Variants in TESPA1 observed in about 807,000 individuals in gnomAD.
The protein encoded by TESPA1 is protein TESPA1.
In TESPA1, 33 loss-of-function variants were observed where a neutral mutation model predicts 57.9. The ratio of observed to expected loss-of-function variants is 0.57; its 90% confidence interval spans 0.43 to 0.76. TESPA1 has a LOEUF of 0.76. Among genes scored for constraint, TESPA1 ranks in the 30% least tolerant of loss-of-function variants. The probability of loss-of-function intolerance (pLI) is 0.00; values close to 1 mark genes in which losing one functional copy is unlikely to be tolerated. For synonymous variants in TESPA1, 227 were observed against 228.9 expected (o/e 0.99, Z 0.07); for missense variants, 618 against 632.9 (o/e 0.98, Z 0.25).
At chr12:54,956,838 A>AG (rs1452210822) in intron 10 of TESPA1, among the ~76,000 whole-genome samples, 9 of 152,132 alleles carry the variant, frequency 5.9e-5, no homozygotes, top group Admixed American at 5.2e-4. Flanking sequence ...CGGAAGATGG[A>AG]GGGGGAAGAC....
intron 10 of TESPA1, among the ~76,000 whole-genome samples, chr12:54,956,984 T>C (rs1279609902): frequency 6.6e-6 from 1 of 152,184 alleles, no homozygotes; most frequent in Admixed American, 6.5e-5. Context: ...TAGTCACCTC[T>C]CAAAGGTTTG....
At chr12:54,955,880 C>G (rs1950700708) in intron 10 of TESPA1, among the ~76,000 whole-genome samples, 1 of 152,100 alleles carries the variant, frequency 6.6e-6, no homozygotes, top group Non-Finnish European at 1.5e-5. Context: ...GATGTCCTCC[C>G]ACTATCCCTC....
At chr12:54,982,581 A>T (rs1952360163) in intron 1 of TESPA1, among the ~76,000 whole-genome samples, 1 of 150,904 alleles carries the variant, frequency 6.6e-6, no homozygotes, top group African/African-American at 2.4e-5. Context: ...TGGATTTGGA[A>T]AAAAAATTAA....
intron 1 of TESPA1, among the ~76,000 whole-genome samples, chr12:54,976,612 G>T (rs1010289426): frequency 6.6e-6 from 1 of 152,108 alleles, no homozygotes; most frequent in Admixed American, 6.5e-5. Flanking sequence ...CACTTCAAAT[G>T]GTATAACCTT....
chr12:54,956,381 G>A lies in TESPA1; in HGVS notation c.*1+4787C>T, dbSNP rs971334798. Among the ~76,000 whole-genome samples, 3 of 152,232 alleles carry A rather than the reference G, an allele frequency of 2.0e-5. No homozygotes were observed. The South Asian group carries it at 6.2e-4, about 32-fold the overall frequency. ...ATTGACCTGTGCTACCTCAGATCTG[G>A]TAAAAGAAACAAAAAGAACGACAAA... On this transcript the variant is annotated intron_variant, in intron 10 of 10. Coordinates refer to ENST00000449076, the MANE Select transcript of TESPA1 (RefSeq NM_001136030.3).
At chr12:54,980,373 G>T (rs1341187843) in intron 1 of TESPA1, among the ~76,000 whole-genome samples, 1 of 152,166 alleles carries the variant, frequency 6.6e-6, no homozygotes, top group Non-Finnish European at 1.5e-5. Context: ...TTACAGAGTG[G>T]TTTTTTTGGC....
intron 10 of TESPA1, among the ~76,000 whole-genome samples, chr12:54,951,097 C>T (rs1170886328): frequency 6.6e-6 from 1 of 152,134 alleles, no homozygotes; most frequent in East Asian, 1.9e-4. Flanking sequence ...CTCTGTGTCC[C>T]CACCCAAATA....
intron 10 of TESPA1, among the ~76,000 whole-genome samples, chr12:54,955,694 A>G (rs72648131): frequency 0.21 from 31,229 of 152,202 alleles, 5,448 homozygotes; most frequent in East Asian, 0.84. Context: ...GTTCTGTAAT[A>G]CATATCATAG....
intron 10 of TESPA1, among the ~76,000 whole-genome samples, chr12:54,960,334 G>A (rs1188172687): frequency 6.6e-6 from 1 of 152,100 alleles, no homozygotes; most frequent in Non-Finnish European, 1.5e-5. Flanking sequence ...AATTAATACT[G>A]AAAAACTCAT....
intron 10 of TESPA1, among the ~76,000 whole-genome samples, chr12:54,953,304 T>C (rs1950512053): frequency 6.6e-6 from 1 of 152,170 alleles, no homozygotes; most frequent in Non-Finnish European, 1.5e-5. Context: ...TCAGTTTTGA[T>C]CTTTCTCCAG....
intron 1 of TESPA1, among the ~76,000 whole-genome samples, chr12:54,976,888 A>C (rs1952158096): frequency 6.6e-6 from 1 of 152,062 alleles, no homozygotes; most frequent in Non-Finnish European, 1.5e-5. Flanking sequence ...ATCCCCTGAA[A>C]ATACTTACCT....
intron 1 of TESPA1, among the ~76,000 whole-genome samples, chr12:54,982,204 G>C (rs1439268187): frequency 6.6e-6 from 1 of 152,182 alleles, no homozygotes; most frequent in Admixed American, 6.5e-5. Context: ...TCATAGAACT[G>C]TCTTCTAGCT....
Position 54,974,583 on chromosome 12 carries a change from G to C in TESPA1, c.-21C>G, listed in dbSNP as rs768293952. The C allele has an allele frequency of 2.3e-5, 36 of 1,538,702 alleles. No homozygotes were observed. In the East Asian group the frequency reaches 8.0e-4, roughly 34 times the overall value. On this transcript the variant is annotated 5_prime_UTR_variant, in exon 2 of 11. Transcript: ENST00000449076. ...TCCATGGCCCTGGCTCAGACTTCAG[G>C]GCCTCCCGTAACAGTAATGCCGTCC...
chr12:54,972,451 T>A (rs1390498296), intron 3 of TESPA1, among the ~76,000 whole-genome samples: 1 of 152,164 alleles, frequency 6.6e-6, no homozygotes, highest in Non-Finnish European at 1.5e-5. Context: ...CCCCTGTACA[T>A]ATCTGGTAAG....
chr12:54,949,383 T>G lies in TESPA1; in HGVS notation c.*1009A>C, dbSNP rs1233569378. Reference sequence around the variant, plus strand: ...CCCTCAAGTCCCTCTCTTCCTGTTTTTTTTTTTTTTTTCTTTTGTCTCACA... The same window carrying G: ...CCCTCAAGTCCCTCTCTTCCTGTTTGTTTTTTTTTTTTCTTTTGTCTCACA... On this transcript the variant is annotated 3_prime_UTR_variant, in exon 11 of 11. Transcript: ENST00000449076. The G allele has an allele frequency of 1.7e-4, 2 of 11,830 alleles. No homozygotes were observed. Among genetic ancestry groups the G allele is most frequent in the Admixed American group, 1.0e-3 (2 of 1,952 alleles). 0.7% of individuals were successfully genotyped at this position (11,830 alleles called of 1,614,324 possible).
chr12:54,966,582 G>T (rs1024589872), intron 5 of TESPA1, among the ~76,000 whole-genome samples, 158 bp from the exon 6 acceptor site: 1 of 152,194 alleles, frequency 6.6e-6, no homozygotes, highest in Non-Finnish European at 1.5e-5. Flanking sequence ...GGGGCCTCAA[G>T]ATTACCTAAC....
At chr12:54,968,372 C>T (rs10876674) in intron 3 of TESPA1, among the ~76,000 whole-genome samples, 54,935 of 152,086 alleles carry the variant, frequency 0.36, 12,808 homozygotes, top group East Asian at 0.89. Context: ...TATCATGTCA[C>T]TCAGGAAACA....
At position 54,968,087 on chromosome 12, in the gene TESPA1, G is replaced by A. The variant is rs975074244; in HGVS notation, c.207-195C>T. 11 of 1,366,906 alleles carry A rather than the reference G, an allele frequency of 8.0e-6. No homozygotes were observed. The Admixed American group carries it at 2.0e-4, about 25-fold the overall frequency. The allele number at this position is 1,366,906 out of a possible 1,614,324, so 84.7% of individuals were successfully genotyped here. A position where few individuals can be genotyped will look rare whatever the true frequency, so the allele number is the denominator to read the frequency against. ...TTCATAGAAGTAGTTGGGGAAACTGGGGCTGGAATGCACTATATTTTAGAT... is the reference window on the plus strand; with the variant it reads ...TTCATAGAAGTAGTTGGGGAAACTGAGGCTGGAATGCACTATATTTTAGAT... On this transcript the variant is annotated intron_variant, in intron 3 of 10. Coordinates refer to ENST00000449076, the MANE Select transcript of TESPA1 (RefSeq NM_001136030.3).
chr12:54,958,132 G>C (rs1592323957), intron 10 of TESPA1, among the ~76,000 whole-genome samples: 1 of 152,330 alleles, frequency 6.6e-6, no homozygotes, highest in Admixed American at 6.5e-5. Flanking sequence ...GTTTGTGAGA[G>C]GAACTTGTGT....
Sources: gnomAD v4.1 joint callset for allele counts (sites outside exome capture counted in the v4.1 genomes callset) on GRCh38, gnomAD v4.1.1 for gene constraint, MANE v1.5 for transcripts, NCBI Gene and HGNC (gene_info 2026-07-23, HGNC 2026-07-21) for gene names.